IMPG1: variants seen among roughly 807,000 people sequenced by gnomAD.
IMPG1 encodes the protein interphotoreceptor matrix proteoglycan of 150 kDa.
Under a neutral mutation model 92.0 loss-of-function variants are expected in IMPG1, and 85 were observed. The ratio of observed to expected loss-of-function variants is 0.92; its 90% CI spans 0.78 to 1.11. IMPG1 has a LOEUF of 1.11. Among genes scored for constraint, IMPG1 ranks in the 50% least tolerant of loss-of-function variants. The pLI, the probability that IMPG1 is intolerant of heterozygous loss-of-function variation, is 0.00. For missense variants in IMPG1, 1,022 were observed against 956.0 expected (o/e 1.07, Z -0.91); for synonymous variants, 367 against 334.1 (o/e 1.10, Z -1.08).
At chr6:75,997,317 T>C (rs1235949857) in intron 12 of IMPG1, among the ~76,000 whole-genome samples, 1 of 152,234 alleles carries the variant, frequency 6.6e-6, no homozygotes, top group African/African-American at 2.4e-5. Flanking sequence ...TTGCCTAAAC[T>C]CAGTTCGGCT....
intron 15 of IMPG1, among the ~76,000 whole-genome samples, chr6:75,925,707 C>G (rs1302853773): frequency 2.0e-5 from 3 of 151,944 alleles, no homozygotes; most frequent in Non-Finnish European, 4.4e-5. Flanking sequence ...GCTCTGTCAC[C>G]CAGGCTGGAG....
chr6:75,965,646 C>T (rs1282211127), intron 12 of IMPG1, among the ~76,000 whole-genome samples: 3 of 120,544 alleles, frequency 2.5e-5, no homozygotes, highest in African/African-American at 3.2e-5. Context: ...CTCGCTCTGT[C>T]GCTCAGGCTG....
Position 75,935,492 on chromosome 6 carries a change from C to T in IMPG1, c.2045-4341G>A, listed in dbSNP as rs144794122. ...GTCGGCGCTGGGGGGTCGACCCCGCCGCACGTTCGCTCGCTCCTGCTGGCT... is the reference window on the plus strand; with the variant it reads ...GTCGGCGCTGGGGGGTCGACCCCGCTGCACGTTCGCTCGCTCCTGCTGGCT... On this transcript the variant is annotated intron_variant, in intron 14 of 16. Coordinates refer to ENST00000369950, the MANE Select transcript of IMPG1 (RefSeq NM_001563.4). Among the ~76,000 whole-genome samples, 261 of 152,338 alleles carry T rather than the reference C, an allele frequency of 1.7e-3. 2 individuals carry two copies. Among genetic ancestry groups the T allele is most frequent in the African/African-American group, 6.1e-3 (253 of 41,586 alleles).
chr6:76,025,311 A>ATACATTTATGTCATCAAT, intron 4 of IMPG1, 53 bp from the exon 5 acceptor site: 13 of 946,864 alleles, frequency 1.4e-5, no homozygotes, highest in Non-Finnish European at 1.8e-5. Context: ...ACTTGATGAC[A>ATACATTTATGTCATCAAT]GTAGAGAACA....
chr6:75,975,323 G>C (rs150873594), intron 12 of IMPG1, among the ~76,000 whole-genome samples: 1 of 152,314 alleles, frequency 6.6e-6, no homozygotes, highest in East Asian at 1.9e-4. Context: ...AACAAAGTCA[G>C]TTCTGATCAG....
rs138478744 is a variant in IMPG1 at position 76,023,126 on chromosome 6, A to G, written c.563-907T>C. 2.0e-5 allele frequency among the ~76,000 whole-genome samples: 3 copies of G among 152,168 alleles called. No homozygotes were observed. In the East Asian group the frequency reaches 5.8e-4, roughly 29 times the overall value. On this transcript the variant is annotated intron_variant, in intron 5 of 16. Coordinates refer to ENST00000369950, the MANE Select transcript of IMPG1 (RefSeq NM_001563.4). Reference sequence around the variant, plus strand: ...TTGTGCTTCCTAGTGGGGGCGTGAGAGTGGGTATCAGAATCATCTAGGCAA... The same window carrying G: ...TTGTGCTTCCTAGTGGGGGCGTGAGGGTGGGTATCAGAATCATCTAGGCAA...
intron 12 of IMPG1, among the ~76,000 whole-genome samples, chr6:75,984,585 T>C (rs569026566): frequency 6.6e-6 from 1 of 152,334 alleles, no homozygotes; most frequent in East Asian, 1.9e-4. Flanking sequence ...ATAATGCATA[T>C]GTTAATTAGC....
At chr6:75,948,846 G>A (rs1262647366) in intron 13 of IMPG1, among the ~76,000 whole-genome samples, 2 of 152,106 alleles carry the variant, frequency 1.3e-5, no homozygotes, top group Non-Finnish European at 2.9e-5. Context: ...GGTGTCTTTT[G>A]CTTAGGAGAA....
chr6:76,028,568 G>A (rs1336038947), intron 4 of IMPG1, among the ~76,000 whole-genome samples: 4 of 152,184 alleles, frequency 2.6e-5, no homozygotes, highest in Non-Finnish European at 5.9e-5. Context: ...GGTGGCTCAC[G>A]CCTGTAATCC....
chr6:76,063,300 T>G (rs1272639547), intron 1 of IMPG1, among the ~76,000 whole-genome samples: 1 of 151,514 alleles, frequency 6.6e-6, no homozygotes, highest in Non-Finnish European at 1.5e-5. Context: ...TTGAATGATT[T>G]TACACAGAAT....
intron 12 of IMPG1, among the ~76,000 whole-genome samples, chr6:75,976,601 C>G (rs777034532): frequency 6.6e-6 from 1 of 151,644 alleles, no homozygotes; most frequent in Non-Finnish European, 1.5e-5. Context: ...CTGAGAGATT[C>G]TTTGTCCTGA....
rs112629451 is a variant in IMPG1 at position 76,041,981 on chromosome 6, G to A, written c.213C>T (p.Ser71=). The change falls in exon 2 of 17, where the codon TCC becomes TCT. Residue 71 remains serine (S), a synonymous_variant. Coordinates refer to ENST00000369950, the MANE Select transcript of IMPG1 (RefSeq NM_001563.4). Reference sequence around the variant, plus strand: ...CTTTAACCCCCGTTGGGAAAAATGCGGATCTTTTTGTTCGATGCTTTGCCA... The same window carrying A: ...CTTTAACCCCCGTTGGGAAAAATGCAGATCTTTTTGTTCGATGCTTTGCCA... ...FDLAKHRTKR[S]AFFPTGVKVC... is the part of the protein sequence containing the mutation. The A allele has an allele frequency of 9.3e-5, 150 of 1,613,884 alleles. No individual in the cohort carries two copies. The African/African-American group carries it at 1.1e-3, about 12-fold the overall frequency.
intron 1 of IMPG1, among the ~76,000 whole-genome samples, chr6:76,051,912 G>T (rs1268201866): frequency 6.6e-6 from 1 of 152,024 alleles, no homozygotes; most frequent in Non-Finnish European, 1.5e-5. Context: ...GAAATAAGAG[G>T]TTGCTAGTGC....
intron 15 of IMPG1, among the ~76,000 whole-genome samples, chr6:75,925,653 CCTAT>C (rs1366542425): frequency 1.0e-4 from 14 of 138,662 alleles, no homozygotes; most frequent in Non-Finnish European, 1.9e-4. Flanking sequence ...ACAGTGAGAC[CCTAT>C]CTGTGTTTTT....
At chr6:76,055,163 T>C (rs1365091630) in intron 1 of IMPG1, among the ~76,000 whole-genome samples, 1 of 152,060 alleles carries the variant, frequency 6.6e-6, no homozygotes, top group African/African-American at 2.4e-5. Context: ...GGATATATAC[T>C]GTACTAAAAT....
At chr6:76,032,659 A>T (rs1447399305) in intron 4 of IMPG1, among the ~76,000 whole-genome samples, 25 of 152,196 alleles carry the variant, frequency 1.6e-4, no homozygotes, top group African/African-American at 2.4e-5. Context: ...AAGCAGGAAG[A>T]GATTGCTGCA....
At chr6:75,985,849 A>G (rs1782708244) in intron 12 of IMPG1, among the ~76,000 whole-genome samples, 1 of 152,190 alleles carries the variant, frequency 6.6e-6, no homozygotes, top group Admixed American at 6.5e-5. Flanking sequence ...TTGAACCAAA[A>G]AGAAAAAGTT....
At chr6:75,968,257 C>T (rs1185087766) in intron 12 of IMPG1, among the ~76,000 whole-genome samples, 1 of 152,160 alleles carries the variant, frequency 6.6e-6, no homozygotes. Context: ...ATCATAATTA[C>T]ATGAAATTAA....
intron 12 of IMPG1, among the ~76,000 whole-genome samples, chr6:75,981,381 G>A (rs1403635159): frequency 6.6e-6 from 1 of 152,186 alleles, no homozygotes; most frequent in Non-Finnish European, 1.5e-5. Flanking sequence ...TTCCTTTAGA[G>A]GCGTTCTTCC....
Sources: allele counts gnomAD v4.1 joint callset (sites outside exome capture counted in the v4.1 genomes callset), GRCh38; gene constraint gnomAD v4.1.1; transcripts MANE v1.5; gene names NCBI Gene and HGNC (gene_info 2026-07-23, HGNC 2026-07-21).